BCR: variants seen among roughly 807,000 people sequenced by gnomAD.
BCR encodes the protein BCR activator of RhoGEF and GTPase, also known as breakpoint cluster region protein.
BCR carries 58 observed loss-of-function variants against 138.6 expected under a neutral mutation model. The ratio of observed to expected loss-of-function variants is 0.42; its 90% CI spans 0.34 to 0.52. The LOEUF (loss-of-function observed/expected upper bound fraction) is 0.52. Among genes scored for constraint, BCR ranks in the 20% least tolerant of loss-of-function variants. The pLI, the probability that BCR is intolerant of heterozygous loss-of-function variation, is 0.06. For missense variants in BCR, 1,599 were observed against 1,727.2 expected (o/e 0.93, Z 1.32); for synonymous variants, 786 against 730.1 (o/e 1.08, Z -1.23).
Position 23,284,047 on chromosome 22 carries a change from T to C in BCR, c.2186T>C (p.Phe729Ser). 6.2e-7 allele frequency: 1 copy of C among 1,610,090 alleles called. No homozygotes were observed. Among genetic ancestry groups the C allele is most frequent in the Non-Finnish European group, 8.5e-7 (1 of 1,178,384 alleles). Reference sequence around the variant, plus strand: ...GGGGCCCGCAAGCTGCGCCACGTCTTCCTGTTCACCGACCTGCTTCTCTGC... The same window carrying C: ...GGGGCCCGCAAGCTGCGCCACGTCTCCCTGTTCACCGACCTGCTTCTCTGC... ...VEGARKLRHV[F>S]LFTDLLLCTK... Residue 729 changes from phenylalanine (F) to serine (S), a missense_variant, in exon 9 of 23, where the codon TTC becomes TCC. Physicochemically the swap from Phe to Ser is radical, Grantham distance 155 (BLOSUM62 -2). Transcript: ENST00000305877.
At chr22:23,269,454 G>A (rs984890168) in intron 5 of BCR, among the ~76,000 whole-genome samples, 2 of 152,200 alleles carry the variant, frequency 1.3e-5, no homozygotes, top group South Asian at 2.1e-4. Flanking sequence ...GAGTGAATGC[G>A]GTCACCCTTG....
chr22:23,297,657 G>A (rs2073861416), intron 16 of BCR, among the ~76,000 whole-genome samples: 1 of 152,144 alleles, frequency 6.6e-6, no homozygotes, highest in Admixed American at 6.5e-5. Context: ...TCACAGCCTG[G>A]GTGCCTGGCT....
At chr22:23,182,371 C>T (rs2072281047) in intron 1 of BCR, 132 bp downstream of exon 1, 1 of 1,081,392 alleles carries the variant, frequency 9.2e-7, no homozygotes, top group African/African-American at 1.6e-5. Context: ...ACTTGTGGTT[C>T]ACGCGGATCC....
At chr22:23,210,741 T>C (rs181896566) in intron 1 of BCR, among the ~76,000 whole-genome samples, 108 of 152,348 alleles carry the variant, frequency 7.1e-4, no homozygotes, top group African/African-American at 2.4e-3. Flanking sequence ...TTGTACAGTG[T>C]GTAACCTTTT....
intron 8 of BCR, among the ~76,000 whole-genome samples, chr22:23,275,064 C>T (rs1023901097): frequency 6.6e-6 from 1 of 152,166 alleles, no homozygotes; most frequent in Non-Finnish European, 1.5e-5. Flanking sequence ...CTCCTCCTGC[C>T]CTGGGCCACC....
chr22:23,314,626 G>T lies in BCR; in HGVS notation c.3638G>T (p.Arg1213Leu), dbSNP rs141870546. The change falls in exon 22 of 23, where the codon CGG (arginine) becomes CTG (leucine). Residue 1213 changes from arginine (R) to leucine (L), a missense_variant. Physicochemically the swap from Arg to Leu is moderately radical, Grantham distance 102. Around this residue, in one of 4 missense-constraint regions of BCR, gnomAD observed 177 missense variants for 226.4 expected, o/e 0.78. Coordinates refer to ENST00000305877, the MANE Select transcript of BCR (RefSeq NM_004327.4). Reference sequence around the variant, plus strand: ...ACGGTCTTTGGCCCCACGCTGCTCCGGCCCTCCGAGAAGGAGAGCAAGCTC... The same window carrying T: ...ACGGTCTTTGGCCCCACGCTGCTCCTGCCCTCCGAGAAGGAGAGCAAGCTC... Reference protein sequence around the residue: ...LATVFGPTLLRPSEKESKLPA... With the variant: ...LATVFGPTLLLPSEKESKLPA... 1.9e-6 allele frequency: 3 copies of T among 1,611,656 alleles called. No individual in the cohort carries two copies. The Admixed American group carries it at 5.0e-5, about 27-fold the overall frequency.
At chr22:23,245,483 C>T (rs1348219419) in intron 1 of BCR, among the ~76,000 whole-genome samples, 2 of 152,172 alleles carry the variant, frequency 1.3e-5, no homozygotes, top group Admixed American at 6.5e-5. Flanking sequence ...TGTACCCTTC[C>T]ACCACAGAAC....
At chr22:23,190,434 C>T (rs1166019164) in intron 1 of BCR, among the ~76,000 whole-genome samples, 1 of 152,170 alleles carries the variant, frequency 6.6e-6, no homozygotes, top group Non-Finnish European at 1.5e-5. Context: ...TCCAAAAGTG[C>T]TGGGATTATA....
chr22:23,216,733 T>A (rs1321198863), intron 1 of BCR, among the ~76,000 whole-genome samples: 1 of 152,246 alleles, frequency 6.6e-6, no homozygotes, highest in Non-Finnish European at 1.5e-5. Flanking sequence ...TGACTGCCGC[T>A]GGCATCCGAG....
chr22:23,258,951 A>G (rs2073326493), intron 2 of BCR, among the ~76,000 whole-genome samples: 1 of 151,290 alleles, frequency 6.6e-6, no homozygotes, highest in Non-Finnish European at 1.5e-5. Flanking sequence ...CACCCCCCGC[A>G]CCCACACACT....
intron 8 of BCR, among the ~76,000 whole-genome samples, chr22:23,277,548 G>T (rs73878672): frequency 6.6e-6 from 1 of 152,182 alleles, no homozygotes; most frequent in Admixed American, 6.5e-5. Context: ...GTGTCAAGGG[G>T]TTGGGGCTGT....
At chr22:23,261,728 A>G (rs1602075634) in intron 4 of BCR, 188 bp downstream of exon 4, 1 of 435,584 alleles carries the variant, frequency 2.3e-6, no homozygotes. Flanking sequence ...CGCCATGCCC[A>G]GCCTTTTTTT....
At chr22:23,240,621 C>CA (rs2073078977) in intron 1 of BCR, among the ~76,000 whole-genome samples, 2 of 151,440 alleles carry the variant, frequency 1.3e-5, no homozygotes, top group African/African-American at 4.9e-5. Context: ...ACTTGCACTC[C>CA]AGCCTGGGTG....
intron 6 of BCR, among the ~76,000 whole-genome samples, chr22:23,272,049 ACTC>A (rs2073516027): frequency 6.6e-6 from 1 of 151,946 alleles, no homozygotes; most frequent in Admixed American, 6.6e-5. Flanking sequence ...GCTTGTCTGA[ACTC>A]CTGACCTAAA....
intron 17 of BCR, chr22:23,310,065 A>G: frequency 2.0e-6 from 1 of 487,922 alleles, no homozygotes; most frequent in Non-Finnish European, 3.8e-6. Context: ...CTATATCTAA[A>G]AAAAAGCAAG....
At chr22:23,254,267 C>T (rs759865213) in intron 2 of BCR, among the ~76,000 whole-genome samples, 2 of 151,918 alleles carry the variant, frequency 1.3e-5, no homozygotes, top group African/African-American at 2.4e-5. Context: ...CCAAGACCTG[C>T]GTGGTGGCGC....
intron 1 of BCR, among the ~76,000 whole-genome samples, chr22:23,194,391 A>AT (rs1244638787): frequency 1.6e-4 from 23 of 139,928 alleles, no homozygotes; most frequent in African/African-American, 3.1e-4. Flanking sequence ...GTGGGTCTCC[A>AT]TTTTTTTTTT....
chr22:23,289,904 T>C (rs1327643955), intron 13 of BCR: 1 of 535,468 alleles, frequency 1.9e-6, no homozygotes, highest in Non-Finnish European at 3.4e-6. Flanking sequence ...GCTCTGTGCC[T>C]TGGATCTGGC....
At chr22:23,282,772 C>T (rs923135534) in intron 8 of BCR, among the ~76,000 whole-genome samples, 1 of 152,224 alleles carries the variant, frequency 6.6e-6, no homozygotes, top group African/African-American at 2.4e-5. Context: ...TGTGCCTCCC[C>T]TGCCAACCCT....
Sources: allele counts gnomAD v4.1 joint callset (sites outside exome capture counted in the v4.1 genomes callset), GRCh38; gene constraint gnomAD v4.1.1; regional missense constraint gnomAD v4.1.1; transcripts MANE v1.5; gene names NCBI Gene and HGNC (gene_info 2026-07-23, HGNC 2026-07-21).